The following LHFPL2 variants were observed in gnomAD, a reference collection of about 807,000 sequenced individuals.
The protein encoded by LHFPL2 is LHFPL tetraspan subfamily member 2, also known as LHFPL tetraspan subfamily member 2 protein.
In LHFPL2, 7 loss-of-function variants were observed where a neutral mutation model predicts 17.5. The ratio of observed to expected loss-of-function variants is 0.40; its 90% confidence interval spans 0.23 to 0.75. The LOEUF is 0.75. Among genes scored for constraint, LHFPL2 ranks in the 30% least tolerant of loss-of-function variants. The pLI, the probability that LHFPL2 is intolerant of heterozygous loss-of-function variation, is 0.37. For missense variants in LHFPL2, 241 were observed against 294.8 expected, an observed-to-expected ratio of 0.82 and a Z score of 1.34; for synonymous variants, 134 against 116.2, an observed-to-expected ratio of 1.15 and a Z score of -0.99.
chr5:78,630,600 T>C (rs1259048533), intron 2 of LHFPL2, among the ~76,000 whole-genome samples: 1 of 151,934 alleles, frequency 6.6e-6, no homozygotes, highest in African/African-American at 2.4e-5. Context: ...TCAATTCTCC[T>C]TCAGGAAGCT....
At chr5:78,639,116 C>T (rs978960915) in intron 1 of LHFPL2, among the ~76,000 whole-genome samples, 11 of 152,144 alleles carry the variant, frequency 7.2e-5, no homozygotes, top group Non-Finnish European at 1.5e-4. Flanking sequence ...AAGAGGCCCC[C>T]CAGCCACCTG....
rs866372058 is a variant in LHFPL2, at chr5:78,519,367, G to T, written c.-185-8969C>A. 1.6e-4 allele frequency among the ~76,000 whole-genome samples: 25 copies of T among 152,268 alleles called. No individual in the cohort carries two copies. In the South Asian group the frequency reaches 1.9e-3, roughly 11 times the overall value. ...CCTTTTCTCTGTACCCTACAAGTGG[G>T]TGGCTGATAATTCTGGGTTCCAGTA... On this transcript the variant is annotated intron_variant, in intron 3 of 4. Coordinates refer to ENST00000380345, the MANE Select transcript of LHFPL2 (RefSeq NM_005779.3).
chr5:78,622,991 T>G (rs1232228165), intron 2 of LHFPL2, among the ~76,000 whole-genome samples: 1 of 152,132 alleles, frequency 6.6e-6, no homozygotes, highest in African/African-American at 2.4e-5. Flanking sequence ...ACAGCATGTG[T>G]AATAGGGGAG....
chr5:78,637,752 G>C (rs1002176182), intron 1 of LHFPL2, among the ~76,000 whole-genome samples: 6 of 152,234 alleles, frequency 3.9e-5, no homozygotes, highest in Non-Finnish European at 5.9e-5. Flanking sequence ...ATCACGGAGA[G>C]AGCTTGTTAG....
chr5:78,556,223 C>T (rs1756569104), intron 3 of LHFPL2, among the ~76,000 whole-genome samples: 1 of 152,172 alleles, frequency 6.6e-6, no homozygotes, highest in African/African-American at 2.4e-5. Flanking sequence ...ACAGAGCATA[C>T]AATACATGTA....
intron 2 of LHFPL2, among the ~76,000 whole-genome samples, chr5:78,598,023 G>A (rs1449558895): frequency 6.6e-6 from 1 of 152,144 alleles, no homozygotes; most frequent in Non-Finnish European, 1.5e-5. Flanking sequence ...TTTGAATAAT[G>A]CAGTTAATAC....
rs1261754721 is a variant in LHFPL2 at position 78,585,099 on chromosome 5, C to T, written c.-244-20228G>A. Among the ~76,000 whole-genome samples, 7 of 105,464 alleles carry T rather than the reference C, an allele frequency of 6.6e-5. 2 individuals carry two copies. In the East Asian group the frequency reaches 7.1e-4, roughly 11 times the overall value. 69.2% of individuals were successfully genotyped at this position (105,464 alleles called of 152,430 possible). A position where few individuals can be genotyped will look rare whatever the true frequency, so the allele number is the denominator to read the frequency against. Reference sequence around the variant, plus strand: ...TCGGCTCATTGCAAGCTCCACCTCCCGGGTTCACGCCATTCTCCTGCCTCA... The same window carrying T: ...TCGGCTCATTGCAAGCTCCACCTCCTGGGTTCACGCCATTCTCCTGCCTCA... On this transcript the variant is annotated intron_variant, in intron 2 of 4. Transcript: ENST00000380345.
chr5:78,569,739 G>A (rs1580815435), intron 2 of LHFPL2, among the ~76,000 whole-genome samples: 1 of 152,152 alleles, frequency 6.6e-6, no homozygotes, highest in African/African-American at 2.4e-5. Context: ...AACAACGCCG[G>A]CCCTGCCACT....
chr5:78,507,708 C>T (rs1754972871), intron 4 of LHFPL2, among the ~76,000 whole-genome samples: 1 of 152,080 alleles, frequency 6.6e-6, no homozygotes, highest in African/African-American at 2.4e-5. Flanking sequence ...CCAGGAGTCT[C>T]ATCTACATAC....
intron 1 of LHFPL2, among the ~76,000 whole-genome samples, chr5:78,645,623 C>T (rs1348413263): frequency 1.3e-5 from 2 of 151,846 alleles, no homozygotes; most frequent in Non-Finnish European, 2.9e-5. Flanking sequence ...TGCTCTGTCA[C>T]CCAGACTGGA....
At chr5:78,608,911 G>A (rs569773439) in intron 2 of LHFPL2, among the ~76,000 whole-genome samples, 363 of 144,674 alleles carry the variant, frequency 2.5e-3, no homozygotes, top group Non-Finnish European at 3.3e-3. Context: ...CAGCCTAGGC[G>A]ACAGAGCAAG....
intron 4 of LHFPL2, among the ~76,000 whole-genome samples, chr5:78,507,838 G>C (rs1213349938): frequency 6.6e-6 from 1 of 152,022 alleles, no homozygotes; most frequent in Non-Finnish European, 1.5e-5. Context: ...TCTTCAACAG[G>C]ATTAATAATT....
chr5:78,568,532 A>C (rs1210295183), intron 2 of LHFPL2, among the ~76,000 whole-genome samples: 1 of 152,208 alleles, frequency 6.6e-6, no homozygotes, highest in Non-Finnish European at 1.5e-5. Context: ...GATTGCTAAG[A>C]CTTGAAGTGC....
At chr5:78,637,649 C>T (rs942391762) in intron 1 of LHFPL2, among the ~76,000 whole-genome samples, 3 of 152,222 alleles carry the variant, frequency 2.0e-5, no homozygotes, top group Admixed American at 6.5e-5. Context: ...ATTTCTCAGC[C>T]GCCAGATGCC....
At position 78,609,536 on chromosome 5, in the gene LHFPL2, A is replaced by G. The variant is rs545674596; in HGVS notation, c.-245+22728T>C. On this transcript the variant is annotated intron_variant, in intron 2 of 4. Transcript: ENST00000380345. ...CTATACAATGGAATATTCTTCAGAT[A>G]TTAAAAATGAGGTGTCTCTAAACTC... Among the ~76,000 whole-genome samples the G allele has an allele frequency of 4.6e-5, 7 of 151,702 alleles. No individual in the cohort carries two copies. In the East Asian group the frequency reaches 1.2e-3, roughly 25 times the overall value.
Position 78,597,219 on chromosome 5 carries a change from C to T in LHFPL2, c.-244-32348G>A, listed in dbSNP as rs572257153. Among the ~76,000 whole-genome samples the T allele has an allele frequency of 2.0e-4, 31 of 152,320 alleles. No individual in the cohort carries two copies. In the South Asian group the frequency reaches 5.8e-3, roughly 28 times the overall value. On this transcript the variant is annotated intron_variant, in intron 2 of 4. Coordinates refer to ENST00000380345, the MANE Select transcript of LHFPL2 (RefSeq NM_005779.3). ...AGTCTAATCCCAGCTAGACTTTGCACTTCCTGTGTGGCCTCTGGGACATCA... is the reference window on the plus strand; with the variant it reads ...AGTCTAATCCCAGCTAGACTTTGCATTTCCTGTGTGGCCTCTGGGACATCA...
rs1284457152 is a variant in LHFPL2 at position 78,507,544 on chromosome 5, T to C, written c.430+2240A>G. ...ACTGCATGTAAACAGTCTTGAAGGA[T>C]ACCTATGCTTTGCTTCTGAATGACT... is the stretch of plus-strand genomic sequence containing the variant. On this transcript the variant is annotated intron_variant, in intron 4 of 4. Coordinates refer to ENST00000380345, the MANE Select transcript of LHFPL2 (RefSeq NM_005779.3). Among the ~76,000 whole-genome samples, 3 of 152,318 alleles carry C rather than the reference T, an allele frequency of 2.0e-5. No individual in the cohort carries two copies. In the East Asian group the frequency reaches 5.8e-4, roughly 29 times the overall value.
intron 2 of LHFPL2, among the ~76,000 whole-genome samples, chr5:78,575,638 A>T (rs2112432837): frequency 6.6e-6 from 1 of 152,368 alleles, no homozygotes; most frequent in South Asian, 2.1e-4. Context: ...GTTTTATTTT[A>T]ATGAATGTGT....
intron 3 of LHFPL2, among the ~76,000 whole-genome samples, chr5:78,541,200 T>C (rs1224908510): frequency 2.0e-5 from 3 of 152,082 alleles, no homozygotes; most frequent in Admixed American, 1.3e-4. Context: ...ATCCTCCGCC[T>C]TGAAAGAAGT....
Sources: gnomAD v4.1 joint callset for allele counts (sites outside exome capture counted in the v4.1 genomes callset) on GRCh38, gnomAD v4.1.1 for gene constraint, MANE v1.5 for transcripts, NCBI Gene and HGNC (gene_info 2026-07-23, HGNC 2026-07-21) for gene names.